NEU4: variants seen among roughly 807,000 people sequenced by gnomAD.
NEU4 encodes neuraminidase 4.
Under a neutral mutation model 9.9 loss-of-function variants are expected in NEU4, and 7 were observed. That is an observed-to-expected ratio of 0.71 (90% CI 0.40 to 1.33). The LOEUF (loss-of-function observed/expected upper bound fraction) is 1.33, where lower values mean the gene tolerates loss of function less well. NEU4 is among the 40% of genes most tolerant of loss of function. NEU4 has a pLI of 0.01. For missense variants in NEU4, 717 were observed against 712.6 expected (o/e 1.01, Z -0.07); for synonymous variants, 348 against 316.9 (o/e 1.10, Z -1.04).
intron 1 of NEU4, chr2:241,811,841 C>T (rs569909180): frequency 3.1e-5 from 7 of 227,408 alleles, no homozygotes; most frequent in African/African-American, 6.8e-5. Flanking sequence ...ATGGGCTGGT[C>T]GGGGACGCTC....
chr2:241,811,556 G>GC, intron 1 of NEU4: 1 of 1,148,956 alleles, frequency 8.7e-7, no homozygotes, highest in Non-Finnish European at 1.1e-6. Context: ...CCAGCTGGCC[G>GC]CCCCCTCTGT....
chr2:241,815,686 C>T, intron 3 of NEU4: 1 of 527,550 alleles, frequency 1.9e-6, no homozygotes, highest in Non-Finnish European at 3.6e-6. Flanking sequence ...ACCCCATCCT[C>T]TGTGGCCACC....
intron 1 of NEU4, chr2:241,813,594 C>T: frequency 8.2e-7 from 1 of 1,217,466 alleles, no homozygotes; most frequent in Non-Finnish European, 1.1e-6. Context: ...TGGGTGTTGC[C>T]TGGGAGCAAA....
intron 3 of NEU4, 166 bp from the exon 4 acceptor site, chr2:241,815,885 G>A: frequency 7.1e-6 from 5 of 699,764 alleles, no homozygotes; most frequent in Non-Finnish European, 1.2e-5. Flanking sequence ...TGTTCAGCCT[G>A]GGAGGACTCA....
intron 3 of NEU4, chr2:241,815,514 C>A: frequency 2.0e-6 from 1 of 508,588 alleles, no homozygotes; most frequent in Non-Finnish European, 3.9e-6. Context: ...TCTCTCTCAT[C>A]CCCCCCGCTA....
In NEU4 at chr2:241,816,617, G is replaced by T. The variant is rs993138756; in HGVS notation, c.1024G>T (p.Asp342Tyr). The change falls in exon 4 of 4, where the codon GAT (aspartate) becomes TAT (tyrosine). Residue 342 changes from aspartate (D) to tyrosine (Y), a missense_variant. Asp to Tyr is a radical substitution (Grantham distance 160). Transcript: ENST00000407683. Reference sequence around the variant, plus strand: ...CTTCAGCCGTCTGCAGCCTCGGGGGGATGGCCCCAGGCAGCCTGGCCCCAG... The same window carrying T: ...CTTCAGCCGTCTGCAGCCTCGGGGGTATGGCCCCAGGCAGCCTGGCCCCAG... The part of the protein sequence containing the change: ...GPFSRLQPRG[D>Y]GPRQPGPRPG... 6.4e-7 allele frequency: 1 copy of T among 1,573,720 alleles called. No individual in the cohort carries two copies. Among genetic ancestry groups the T allele is most frequent in the Non-Finnish European group, 8.6e-7 (1 of 1,162,554 alleles).
At chr2:241,814,452 G>C (rs1395359212) in intron 1 of NEU4, 30 bp from the exon 2 acceptor site, 1 of 1,596,222 alleles carries the variant, frequency 6.3e-7, no homozygotes, top group African/African-American at 1.3e-5. Context: ...GGCCTGTCTT[G>C]CTGACCTGTG....
chr2:241,816,741 C>A lies in NEU4; in HGVS notation c.1148C>A (p.Pro383Gln). 2 of 1,567,036 alleles carry A rather than the reference C, an allele frequency of 1.3e-6. No individual in the cohort carries two copies. The highest frequency in any genetic ancestry group is 2.4e-5 in the East Asian group (1 of 41,938). The change falls in exon 4 of 4, where the codon CCA becomes CAA. Residue 383 changes from proline (P) to glutamine (Q), a missense_variant. By Grantham distance (76) the Pro-to-Gln change is moderately conservative. Coordinates refer to ENST00000407683, the MANE Select transcript of NEU4 (RefSeq NM_001167600.3). Reference protein sequence around the residue: ...QSPTWLLYSHPVGRRARLHMG... With the variant: ...QSPTWLLYSHQVGRRARLHMG... Reference sequence around the variant, plus strand: ...CCCACGTGGCTGCTGTACTCCCACCCAGTGGGGCGCAGGGCTCGGCTACAC... The same window carrying A: ...CCCACGTGGCTGCTGTACTCCCACCAAGTGGGGCGCAGGGCTCGGCTACAC...
At chr2:241,810,109 CT>C (rs963024265) in intron 1 of NEU4, among the ~76,000 whole-genome samples, 3 of 152,186 alleles carry the variant, frequency 2.0e-5, no homozygotes, top group African/African-American at 7.2e-5. Flanking sequence ...CCACCTGCCC[CT>C]GCCCCAGGAT....
At position 241,816,946 on chromosome 2, in the gene NEU4, C is replaced by A; in HGVS notation, c.1353C>A (p.Ser451=). The A allele has an allele frequency of 6.2e-7, 1 of 1,612,858 alleles. No homozygotes were observed. Among genetic ancestry groups the A allele is most frequent in the Non-Finnish European group, 8.5e-7 (1 of 1,179,938 alleles). The change falls in exon 4 of 4, where the codon TCC becomes TCA. Residue 451 remains serine, a synonymous_variant. Transcript: ENST00000407683. The part of the protein sequence containing the change: ...SGARTSYDEI[S]FCTFSLREVL... ...CCAGGACCTCCTATGATGAGATTTCCTTTTGTACATTCTCCCTGCGTGAGG... is the reference window on the plus strand; with the variant it reads ...CCAGGACCTCCTATGATGAGATTTCATTTTGTACATTCTCCCTGCGTGAGG...
intron 1 of NEU4, 117 bp downstream of exon 1, chr2:241,809,391 T>G: frequency 2.1e-6 from 1 of 482,690 alleles, no homozygotes; most frequent in Non-Finnish European, 3.6e-6. Context: ...AAGGGGCGGT[T>G]AAAATGCTGC....
In NEU4 at chr2:241,817,005, C is replaced by T. The variant is rs1433740205; in HGVS notation, c.1412C>T (p.Pro471Leu). The T allele has an allele frequency of 6.2e-6, 10 of 1,608,258 alleles. No individual in the cohort carries two copies. The highest frequency in any genetic ancestry group is 8.5e-6 in the Non-Finnish European group (10 of 1,177,868). ...AACGTGCCCGCCAGCCCCAAACCGC[C>T]CAACCTTGGGGACAAGCCTCGGGGG... Reference protein sequence around the residue: ...LENVPASPKPPNLGDKPRGCC... With the variant: ...LENVPASPKPLNLGDKPRGCC... The change falls in exon 4 of 4, where the codon CCC becomes CTC. Residue 471 changes from proline (P) to leucine (L), a missense_variant. Pro to Leu is a moderately conservative substitution (Grantham distance 98). Transcript: ENST00000407683.
In NEU4 at chr2:241,816,518, C is replaced by G. The variant is rs1162405254; in HGVS notation, c.925C>G (p.Leu309Val). Residue 309 changes from leucine (L) to valine (V), a missense_variant, in exon 4 of 4, where the codon CTC (leucine) becomes GTC (valine). Transcript: ENST00000407683. ...CGGGAGTCCCCTCCAGCCTCCACTCCTCGGTCCTGGAGTCCACGAACCCCC... is the reference window on the plus strand; with the variant it reads ...CGGGAGTCCCCTCCAGCCTCCACTCGTCGGTCCTGGAGTCCACGAACCCCC... ...GPGSPLQPPL[L>V]GPGVHEPPEE... 1 of 1,611,636 alleles carries G rather than the reference C, an allele frequency of 6.2e-7. No individual in the cohort carries two copies. The highest frequency in any genetic ancestry group is 8.5e-7 in the Non-Finnish European group (1 of 1,179,640).
chr2:241,814,423 G>A, intron 1 of NEU4, 59 bp from the exon 2 acceptor site: 11 of 1,530,512 alleles, frequency 7.2e-6, no homozygotes, highest in Non-Finnish European at 9.9e-6. Flanking sequence ...CAGACCGGGA[G>A]CGAGTGTGGG....
chr2:241,809,524 C>A (rs187393294), intron 1 of NEU4, among the ~76,000 whole-genome samples: 5 of 152,164 alleles, frequency 3.3e-5, no homozygotes, highest in African/African-American at 1.2e-4. Flanking sequence ...CCAGAGCTCA[C>A]GAAGACGGTT....
intron 1 of NEU4, among the ~76,000 whole-genome samples, chr2:241,812,238 G>A (rs76198701): frequency 0.012 from 1,888 of 151,902 alleles, 50 homozygotes; most frequent in African/African-American, 0.043. Flanking sequence ...CCCCTGCTGA[G>A]CCAGAGTGAC....
chr2:241,816,757 T>G lies in NEU4; in HGVS notation c.1164T>G (p.Ala388=). ...LLYSHPVGRR[A]RLHMGIRLSQ... is the part of the protein sequence containing the mutation. ...ACTCCCACCCAGTGGGGCGCAGGGC[T>G]CGGCTACACATGGGTATCCGCCTGA... is the stretch of plus-strand genomic sequence containing the variant. Residue 388 remains alanine (A), a synonymous_variant, in exon 4 of 4, where the codon GCT becomes GCG. Coordinates refer to ENST00000407683, the MANE Select transcript of NEU4 (RefSeq NM_001167600.3). The G allele has an allele frequency of 6.3e-7, 1 of 1,574,976 alleles. No individual in the cohort carries two copies.
At chr2:241,811,247 G>T in intron 1 of NEU4, 4 of 1,253,890 alleles carry the variant, frequency 3.2e-6, no homozygotes, top group Non-Finnish European at 4.0e-6. Context: ...CTGGTCCCGG[G>T]CGTCTGTGTG....
rs187887050 is a variant in NEU4 at position 241,814,700 on chromosome 2, G to A, written c.201+15G>A. On this transcript the variant is annotated intron_variant, in intron 2 of 3. Coordinates refer to ENST00000407683, the MANE Select transcript of NEU4 (RefSeq NM_001167600.3). ...GCTCCGTGCGGGTGAGTGAGTGGCC[G>A]GGGGCTCTGTGTGGGTGTAGTGGCC... 5.6e-4 allele frequency: 853 copies of A among 1,536,700 alleles called. 3 individuals carry two copies. In the African/African-American group the frequency reaches 0.01, roughly 19 times the overall value.
Sources: allele counts gnomAD v4.1 joint callset (sites outside exome capture counted in the v4.1 genomes callset), GRCh38; gene constraint gnomAD v4.1.1; transcripts MANE v1.5; gene names NCBI Gene and HGNC (gene_info 2026-07-23, HGNC 2026-07-21).